WT1: variants seen among roughly 807,000 people sequenced by gnomAD.
WT1 encodes WT1 transcription factor.
WT1 carries 8 observed loss-of-function variants against 60.8 expected under a neutral mutation model. The ratio of observed to expected loss-of-function variants is 0.13; its 90% CI spans 0.08 to 0.24. The LOEUF is 0.24. WT1 is among the 10% of genes least tolerant of loss of function. The pLI, the probability that WT1 is intolerant of heterozygous loss-of-function variation, is 1.00. For missense variants in WT1, 568 were observed against 711.8 expected (o/e 0.80, Z 2.30); for synonymous variants, 312 against 297.1 (o/e 1.05, Z -0.52).
chr11:32,389,274 ACT>A, intron 9 of WT1, 95 bp from the exon 10 acceptor site: 1 of 1,599,672 alleles, frequency 6.3e-7, no homozygotes, highest in Non-Finnish European at 8.5e-7. Flanking sequence ...CAAGGCACCC[ACT>A]CTGAATTTCC....
intron 5 of WT1, among the ~76,000 whole-genome samples, chr11:32,405,165 G>A (rs950313444): frequency 1.4e-4 from 22 of 152,130 alleles, no homozygotes; most frequent in Non-Finnish European, 2.8e-4. Context: ...AGACGATATT[G>A]AACTCACAGG....
intron 3 of WT1, among the ~76,000 whole-genome samples, chr11:32,427,198 T>A (rs5030177): frequency 6.6e-6 from 1 of 152,164 alleles, no homozygotes; most frequent in Non-Finnish European, 1.5e-5. Flanking sequence ...CCGCAGTTAC[T>A]AGGCAACCCT....
At position 32,435,262 on chromosome 11, in the gene WT1, T is replaced by C. The variant is rs2133107306; in HGVS notation, c.99A>G (p.Pro33=). Reference sequence around the variant, plus strand: ...CCGGGTCCCGGACTCCCTGCTGCTCTGGCTGCTGTAGGCACCCAGGCCCGG... The same window carrying C: ...CCGGGTCCCGGACTCCCTGCTGCTCCGGCTGCTGTAGGCACCCAGGCCCGG... Residue 33 remains proline, a synonymous_variant, in exon 1 of 10, where the codon CCA becomes CCG. Coordinates refer to ENST00000452863, the MANE Select transcript of WT1 (RefSeq NM_024426.6). 1 of 1,535,458 alleles carries C rather than the reference T, an allele frequency of 6.5e-7. No individual in the cohort carries two copies.
At chr11:32,430,043 G>A (rs1853225393) in intron 1 of WT1, among the ~76,000 whole-genome samples, 1 of 151,604 alleles carries the variant, frequency 6.6e-6, no homozygotes, top group Non-Finnish European at 1.5e-5. Flanking sequence ...TGAGCCTGGA[G>A]GGTGGTGTGG....
At chr11:32,429,298 G>C (rs1461986711) in intron 1 of WT1, among the ~76,000 whole-genome samples, 1 of 152,146 alleles carries the variant, frequency 6.6e-6, no homozygotes, top group Non-Finnish European at 1.5e-5. Flanking sequence ...CCCACCTTGC[G>C]CCCAGGGGTC....
intron 5 of WT1, among the ~76,000 whole-genome samples, chr11:32,404,893 A>C: frequency 6.6e-6 from 1 of 152,162 alleles, no homozygotes; most frequent in East Asian, 1.9e-4. Context: ...CCAAGAATTC[A>C]TGCTAACTCT....
chr11:32,431,784 T>C (rs1853321213), intron 1 of WT1, among the ~76,000 whole-genome samples: 3 of 152,066 alleles, frequency 2.0e-5, no homozygotes, highest in Non-Finnish European at 4.4e-5. Context: ...TCACCCCACA[T>C]CTGCCCTCAC....
At position 32,429,709 on chromosome 11, in the gene WT1, A is replaced by G. The variant is rs569055130; in HGVS notation, c.662-1090T>C. ...TGAAGTCCAGACACAATGGCTAAGG[A>G]GAGCTGCTCCTATGGGATCCTGGCA... is the stretch of plus-strand genomic sequence containing the variant. On this transcript the variant is annotated intron_variant, in intron 1 of 9. Coordinates refer to ENST00000452863, the MANE Select transcript of WT1 (RefSeq NM_024426.6). 1.4e-4 allele frequency among the ~76,000 whole-genome samples: 22 copies of G among 152,184 alleles called. No individual in the cohort carries two copies. The East Asian group carries it at 4.1e-3, about 28-fold the overall frequency.
chr11:32,408,396 T>C (rs900818409), intron 5 of WT1, among the ~76,000 whole-genome samples: 1 of 150,392 alleles, frequency 6.6e-6, no homozygotes, highest in African/African-American at 2.4e-5. Flanking sequence ...GCACCTGTAG[T>C]CCCAGCTACT....
chr11:32,425,687 C>T (rs1457054783), intron 3 of WT1, among the ~76,000 whole-genome samples: 3 of 152,148 alleles, frequency 2.0e-5, no homozygotes, highest in African/African-American at 7.2e-5. Context: ...ACTCTTCCTA[C>T]AGGGGTCACA....
rs770366595 is a variant in WT1, at chr11:32,428,007, G to A, written c.836C>T (p.Thr279Ile). The A allele has an allele frequency of 6.2e-7, 1 of 1,611,554 alleles. No homozygotes were observed. Among genetic ancestry groups the A allele is most frequent in the African/African-American group, 1.3e-5 (1 of 75,044 alleles). ...AGCCTGGCTGCCGGTGCAGCTGTCG[G>A]TGGGGGTGTGGCAGCCATAGACCGG... Residue 279 changes from threonine to isoleucine, a missense_variant, in exon 3 of 10, where the codon ACC becomes ATC. Transcript: ENST00000452863.
rs2132986307 is a variant in WT1, at chr11:32,406,308, G to C, written c.1017-6264C>G. On this transcript the variant is annotated intron_variant, in intron 5 of 9. Transcript: ENST00000452863. Reference sequence around the variant, plus strand: ...CATTAGTTAGATTCTTATAAGGAGAGTGCAACCTAGATCCCTCACATGTGT... The same window carrying C: ...CATTAGTTAGATTCTTATAAGGAGACTGCAACCTAGATCCCTCACATGTGT... Among the ~76,000 whole-genome samples, 2 of 152,194 alleles carry C rather than the reference G, an allele frequency of 1.3e-5. 1 individual carries two copies. Among genetic ancestry groups the C allele is most frequent in the Middle Eastern group, 6.8e-3 (2 of 294 alleles).
intron 5 of WT1, among the ~76,000 whole-genome samples, chr11:32,411,602 A>G (rs1035702509): frequency 1.3e-5 from 2 of 152,186 alleles, no homozygotes; most frequent in African/African-American, 2.4e-5. Context: ...CTGTTCTATA[A>G]TTTATACACA....
rs772822466 is a variant in WT1 at position 32,392,679 on chromosome 11, T to C, written c.1341A>G (p.Gln447=). ...GAACCTACAAACCTGTATGTCTCCT[T>C]TGGTGTCTTTTGAGCTGGTCTGAAC... The change falls in exon 8 of 10, where the codon CAA becomes CAG. Residue 447 remains glutamine, a synonymous_variant. Coordinates refer to ENST00000452863, the MANE Select transcript of WT1 (RefSeq NM_024426.6). The C allele has an allele frequency of 6.2e-7, 1 of 1,614,088 alleles. No homozygotes were observed.
At chr11:32,394,100 A>T (rs1196000064) in intron 7 of WT1, among the ~76,000 whole-genome samples, 1 of 151,930 alleles carries the variant, frequency 6.6e-6, no homozygotes, top group Non-Finnish European at 1.5e-5. Flanking sequence ...GTCTCACTAT[A>T]TTGCCCAGGC....
rs1349302999 is a variant in WT1 at position 32,428,582 on chromosome 11, G to A, written c.699C>T (p.Tyr233=). ...CCGCATGGTGCGAGGGCGTGTGACCGTAGCTGGGCGTCCCGTCGAAGGTGA... is the reference window on the plus strand; with the variant it reads ...CCGCATGGTGCGAGGGCGTGTGACCATAGCTGGGCGTCCCGTCGAAGGTGA... Residue 233 remains tyrosine, a synonymous_variant, in exon 2 of 10, where the codon TAC becomes TAT. Transcript: ENST00000452863. 6.2e-7 allele frequency: 1 copy of A among 1,613,948 alleles called. No individual in the cohort carries two copies. The highest frequency in any genetic ancestry group is 8.5e-7 in the Non-Finnish European group (1 of 1,180,020).
intron 1 of WT1, among the ~76,000 whole-genome samples, chr11:32,433,522 T>A (rs1473410565): frequency 6.6e-6 from 1 of 152,218 alleles, no homozygotes. Context: ...TCCCACGCAT[T>A]CCAAAAACAT....
At chr11:32,434,033 G>C (rs1452621783) in intron 1 of WT1, among the ~76,000 whole-genome samples, 3 of 152,204 alleles carry the variant, frequency 2.0e-5, no homozygotes, top group African/African-American at 7.2e-5. Flanking sequence ...GCCGCCGCCT[G>C]AGCGAAGCCC....
Position 32,399,727 on chromosome 11 carries a change from C to T in WT1, c.1113+221G>A, listed in dbSNP as rs5030262. Reference sequence around the variant, plus strand: ...CAGAAAGGAGAGGATTCTGTTAGGACGCATCTTGCGCAGCGTCAGGCAGCG... The same window carrying T: ...CAGAAAGGAGAGGATTCTGTTAGGATGCATCTTGCGCAGCGTCAGGCAGCG... On this transcript the variant is annotated intron_variant, in intron 6 of 9. Transcript: ENST00000452863. 0.021 allele frequency among the ~76,000 whole-genome samples: 3,257 copies of T among 152,322 alleles called. 108 individuals are homozygous for T. Among genetic ancestry groups the T allele is most frequent in the African/African-American group, 0.074 (3,060 of 41,556 alleles).
Sources: gnomAD v4.1 joint callset for allele counts (sites outside exome capture counted in the v4.1 genomes callset) on GRCh38, gnomAD v4.1.1 for gene constraint, MANE v1.5 for transcripts, NCBI Gene and HGNC (gene_info 2026-07-23, HGNC 2026-07-21) for gene names.